SH3PXD2B: variants seen among roughly 807,000 people sequenced by gnomAD.
The protein encoded by SH3PXD2B is SH3 and PX domain-containing protein 2B.
Under a neutral mutation model 73.1 loss-of-function variants are expected in SH3PXD2B, and 37 were observed. The observed-to-expected ratio is 0.51, with a 90% CI of 0.39 to 0.67. The LOEUF is 0.67. SH3PXD2B is among the 30% of genes least tolerant of loss of function. The probability of loss-of-function intolerance (pLI) is 0.00; values close to 1 mark genes in which losing one functional copy is unlikely to be tolerated. For missense variants in SH3PXD2B, 1,053 were observed against 1,197.8 expected (o/e 0.88, Z 1.78); for synonymous variants, 457 against 480.5 (o/e 0.95, Z 0.64).
At chr5:172,435,134 A>G (rs1479592215) in intron 1 of SH3PXD2B, among the ~76,000 whole-genome samples, 1 of 152,214 alleles carries the variant, frequency 6.6e-6, no homozygotes, top group Non-Finnish European at 1.5e-5. Context: ...AGGCGACACT[A>G]GCCAGGAAGA....
chr5:172,429,314 AC>A (rs1759175396), intron 1 of SH3PXD2B, among the ~76,000 whole-genome samples: 1 of 130,842 alleles, frequency 7.6e-6, no homozygotes, highest in South Asian at 2.7e-4. Flanking sequence ...ATCTGCAAAC[AC>A]CCCCGCCCCT....
chr5:172,453,479 G>A (rs896757818), intron 1 of SH3PXD2B, among the ~76,000 whole-genome samples: 10 of 152,206 alleles, frequency 6.6e-5, no homozygotes, highest in Non-Finnish European at 1.5e-4. Flanking sequence ...TCCACCTGCA[G>A]GTCACCGTCA....
At chr5:172,418,058 TAG>T (rs1278645773) in intron 2 of SH3PXD2B, among the ~76,000 whole-genome samples, 1 of 152,136 alleles carries the variant, frequency 6.6e-6, no homozygotes, top group African/African-American at 2.4e-5. Flanking sequence ...AAGCAGCCAC[TAG>T]AGAGAGGAGC....
intron 1 of SH3PXD2B, among the ~76,000 whole-genome samples, chr5:172,433,869 G>A (rs1284128932): frequency 6.6e-6 from 1 of 152,192 alleles, no homozygotes; most frequent in East Asian, 1.9e-4. Context: ...TGGGACTTGA[G>A]GGCAAATGTT....
At chr5:172,422,094 A>G (rs72846967) in intron 2 of SH3PXD2B, among the ~76,000 whole-genome samples, 45,569 of 151,518 alleles carry the variant, frequency 0.3, 7,449 homozygotes, top group East Asian at 0.67. Context: ...TCCCGGGTTC[A>G]AGCAATTCTC....
chr5:172,390,260 T>C (rs1430256129), intron 4 of SH3PXD2B, among the ~76,000 whole-genome samples: 3 of 152,266 alleles, frequency 2.0e-5, no homozygotes, highest in Admixed American at 6.5e-5. Context: ...TCCATAAATT[T>C]GCCTTTTCTG....
Position 172,435,127 on chromosome 5 carries a change from C to T in SH3PXD2B, c.76-12631G>A, listed in dbSNP as rs145482597. ...AAGGCACAGAAGACCTCAGAACAGG[C>T]GACACTAGCCAGGAAGAACTTAACA... On this transcript the variant is annotated intron_variant, in intron 1 of 12. Transcript: ENST00000311601. Among the ~76,000 whole-genome samples, 36 of 152,206 alleles carry T rather than the reference C, an allele frequency of 2.4e-4. No individual in the cohort carries two copies. In the East Asian group the frequency reaches 5.4e-3, roughly 23 times the overall value.
intron 12 of SH3PXD2B, among the ~76,000 whole-genome samples, chr5:172,344,588 C>CAA (rs756550290): frequency 0.019 from 485 of 25,218 alleles, 80 homozygotes; most frequent in East Asian, 0.065. Context: ...GAGGCTCTGT[C>CAA]AAAAAAAAAA....
rs7720252 is a variant in SH3PXD2B, at chr5:172,403,558, C to T, written c.232+2719G>A. Among the ~76,000 whole-genome samples, 300 of 152,240 alleles carry T rather than the reference C, an allele frequency of 2.0e-3. 2 individuals carry two copies. The highest frequency in any genetic ancestry group is 6.8e-3 in the African/African-American group (281 of 41,542). On this transcript the variant is annotated intron_variant, in intron 3 of 12. Transcript: ENST00000311601. The stretch of plus-strand genomic sequence containing the variant: ...TGAGAAGGGACCAAGTCCCTGGGAA[C>T]GGCATTTTCATTAATTCTTTGGTGG...
At position 172,362,799 on chromosome 5, in the gene SH3PXD2B, C is replaced by T. The variant is rs1468611735; in HGVS notation, c.498G>A (p.Gln166=). The part of the protein sequence containing the change: ...QYVVVANYQK[Q]ESSEISLSVG... ...CGCTGAGGCTGATCTCCGAACTCTC[C>T]TGCTTCTGGTAGTTGGCTACCACCA... The change falls in exon 7 of 13, where the codon CAG becomes CAA. Residue 166 remains glutamine (Q), a synonymous_variant. Transcript: ENST00000311601. The T allele has an allele frequency of 1.9e-6, 3 of 1,614,056 alleles. No individual in the cohort carries two copies. The African/African-American group carries it at 4.0e-5, about 22-fold the overall frequency.
chr5:172,375,193 C>G (rs34349594), intron 5 of SH3PXD2B, among the ~76,000 whole-genome samples: 3 of 152,138 alleles, frequency 2.0e-5, no homozygotes, highest in Non-Finnish European at 2.9e-5. Context: ...AACCTCATCT[C>G]TACTAAAAAT....
At chr5:172,409,670 T>C (rs903653990) in intron 2 of SH3PXD2B, among the ~76,000 whole-genome samples, 1 of 152,194 alleles carries the variant, frequency 6.6e-6, no homozygotes, top group South Asian at 2.1e-4. Context: ...GATGGCTGAA[T>C]AGTATTCAAT....
chr5:172,387,138 A>AAC (rs1758077600), intron 4 of SH3PXD2B, among the ~76,000 whole-genome samples: 3 of 152,176 alleles, frequency 2.0e-5, no homozygotes, highest in Admixed American at 6.5e-5. Flanking sequence ...GAGCCTGGTA[A>AAC]ATACTACTGT....
intron 5 of SH3PXD2B, among the ~76,000 whole-genome samples, chr5:172,380,242 G>A: frequency 6.6e-6 from 1 of 151,738 alleles, no homozygotes; most frequent in East Asian, 1.9e-4. Flanking sequence ...TTTATTTTTA[G>A]TAGAGACAGG....
At chr5:172,326,919 C>T (rs941203274) in intron 12 of SH3PXD2B, among the ~76,000 whole-genome samples, 16 of 148,534 alleles carry the variant, frequency 1.1e-4, no homozygotes, top group East Asian at 6.0e-4. Context: ...TGAAGTGGCA[C>T]GATCTTGGCT....
chr5:172,352,570 C>T (rs1018524706), intron 9 of SH3PXD2B, among the ~76,000 whole-genome samples: 3 of 152,194 alleles, frequency 2.0e-5, no homozygotes, highest in Admixed American at 1.3e-4. Flanking sequence ...CCATCGACAT[C>T]TTGACTTGAA....
At chr5:172,439,724 A>ACACACACACACACG in intron 1 of SH3PXD2B, among the ~76,000 whole-genome samples, 1 of 149,722 alleles carries the variant, frequency 6.7e-6, no homozygotes. Flanking sequence ...ACACACACAC[A>ACACACACACACACG]CACACACAGC....
rs1402062022 is a variant in SH3PXD2B, at chr5:172,338,581, C to T, written c.2524G>A (p.Ala842Thr). 6.2e-7 allele frequency: 1 copy of T among 1,614,144 alleles called. No individual in the cohort carries two copies. ...AGGCCGTCGGCATTGGGGACAGAGG[C>T]TGCAGCTGCTTTCTCCCTGTTTTCT... Reference protein sequence around the residue: ...IGENREKAAAASVPNADGLKD... With the variant: ...IGENREKAAATSVPNADGLKD... Residue 842 changes from alanine to threonine, a missense_variant, in exon 13 of 13, where the codon GCC becomes ACC. Physicochemically the swap from Ala to Thr is moderately conservative, Grantham distance 58 (BLOSUM62 0). Coordinates refer to ENST00000311601, the MANE Select transcript of SH3PXD2B (RefSeq NM_001017995.3). This position sits in a 1 kb window ranked among gnomAD's most constrained non-coding sequence, Gnocchi z 5.1.
intron 1 of SH3PXD2B, among the ~76,000 whole-genome samples, chr5:172,427,820 C>G (rs1475998010): frequency 2.0e-5 from 3 of 151,630 alleles, no homozygotes; most frequent in African/African-American, 7.3e-5. Context: ...CCCTATCACC[C>G]AGGCTGGAGT....
Sources: gnomAD v4.1 joint callset for allele counts (sites outside exome capture counted in the v4.1 genomes callset) on GRCh38, gnomAD v4.1.1 for gene constraint, Gnocchi (gnomAD v3.1) non-coding constraint, MANE v1.5 for transcripts, NCBI Gene and HGNC (gene_info 2026-07-23, HGNC 2026-07-21) for gene names.